The following NRXN1 variants were observed in gnomAD, a reference collection of about 807,000 sequenced individuals.
The protein encoded by NRXN1 is neurexin-1.
A neutral mutation model predicts 150.9 loss-of-function variants in NRXN1; 39 were observed. The ratio of observed to expected loss-of-function variants is 0.26; its 90% CI spans 0.20 to 0.34. NRXN1 has a LOEUF of 0.34. Among genes scored for constraint, NRXN1 ranks in the 10% least tolerant of loss-of-function variants. The pLI is 1.00. For missense variants in NRXN1, 1,815 were observed against 1,949.9 expected, an observed-to-expected ratio of 0.93 and a Z score of 1.30; for synonymous variants, 924 against 757.0, an observed-to-expected ratio of 1.22 and a Z score of -3.62.
intron 5 of NRXN1, among the ~76,000 whole-genome samples, chr2:50,711,329 CTTTTTTTT>C (rs765521627): frequency 3.3e-5 from 3 of 89,876 alleles, no homozygotes; most frequent in Non-Finnish European, 6.6e-5. Flanking sequence ...AGGTACTGGA[CTTTTTTTT>C]TTTTTTTTTT....
chr2:50,405,976 C>T (rs903580136), intron 17 of NRXN1, among the ~76,000 whole-genome samples: 10 of 152,096 alleles, frequency 6.6e-5, no homozygotes, highest in African/African-American at 1.9e-4. Flanking sequence ...TGAGGAAATT[C>T]AGCCACAGAT....
intron 5 of NRXN1, among the ~76,000 whole-genome samples, chr2:50,678,499 C>G (rs2104778558): frequency 6.6e-6 from 1 of 152,240 alleles, no homozygotes; most frequent in African/African-American, 2.4e-5. Flanking sequence ...CATGTTTCAA[C>G]TAGAATCAAC....
intron 5 of NRXN1, among the ~76,000 whole-genome samples, chr2:50,686,130 C>G (rs1379304218): frequency 6.6e-6 from 1 of 151,982 alleles, no homozygotes; most frequent in Non-Finnish European, 1.5e-5. Flanking sequence ...AAGTAGCCTT[C>G]TAGCAAAAAA....
At chr2:50,219,142 C>T (rs2063613178) in intron 18 of NRXN1, among the ~76,000 whole-genome samples, 1 of 151,916 alleles carries the variant, frequency 6.6e-6, no homozygotes, top group Non-Finnish European at 1.5e-5. Context: ...GGCTTTGATC[C>T]ATTTCTCAAT....
At chr2:50,727,556 A>G (rs1697540405) in intron 5 of NRXN1, among the ~76,000 whole-genome samples, 1 of 152,178 alleles carries the variant, frequency 6.6e-6, no homozygotes, top group South Asian at 2.1e-4. Flanking sequence ...CCAAAAGATC[A>G]ATCACTCTTT....
Position 50,506,550 on chromosome 2 carries a change from T to A in NRXN1, c.2442A>T (p.Val814=), listed in dbSNP as rs2092233662. 4 of 1,613,384 alleles carry A rather than the reference T, an allele frequency of 2.5e-6. No individual in the cohort carries two copies. In the East Asian group the frequency reaches 8.9e-5, roughly 36 times the overall value. ...LNDNEWHTVR[V]VRRGKSLKLT... ...ACTTTAAACTTTTTCCACGCCGAAC[T>A]ACACGCACTGTGTGCCACTCGTTAT... The change falls in exon 13 of 23, where the codon GTA becomes GTT. Residue 814 remains valine, a synonymous_variant. Coordinates refer to ENST00000401669, the MANE Select transcript of NRXN1 (RefSeq NM_001330078.2).
intron 2 of NRXN1, among the ~76,000 whole-genome samples, chr2:50,948,306 T>A (rs1229924828): frequency 6.6e-6 from 1 of 152,054 alleles, no homozygotes. Flanking sequence ...GCAATTTAGA[T>A]AGATCCAAAA....
chr2:50,766,096 G>T (rs1463146093), intron 5 of NRXN1, among the ~76,000 whole-genome samples: 5 of 151,964 alleles, frequency 3.3e-5, no homozygotes, highest in African/African-American at 1.2e-4. Context: ...TTTAAAAGAA[G>T]ATTCTTAAGA....
intron 22 of NRXN1, among the ~76,000 whole-genome samples, chr2:49,922,842 T>C (rs1668461651): frequency 6.6e-6 from 1 of 152,216 alleles, no homozygotes; most frequent in Non-Finnish European, 1.5e-5. Flanking sequence ...TTCCATTTTG[T>C]TGGAGATTCA....
At chr2:50,271,888 T>C (rs1435654038) in intron 17 of NRXN1, among the ~76,000 whole-genome samples, 1 of 152,062 alleles carries the variant, frequency 6.6e-6, no homozygotes, top group Non-Finnish European at 1.5e-5. Flanking sequence ...TATGAAGAAG[T>C]ATTTCCTATG....
chr2:51,013,864 T>C (rs2105216512), intron 2 of NRXN1, among the ~76,000 whole-genome samples: 1 of 152,198 alleles, frequency 6.6e-6, no homozygotes, highest in African/African-American at 2.4e-5. Context: ...CACTGCCAGT[T>C]TTCCTTAGTC....
chr2:50,101,843 A>G (rs1701021515), intron 18 of NRXN1, among the ~76,000 whole-genome samples: 1 of 151,966 alleles, frequency 6.6e-6, no homozygotes, highest in African/African-American at 2.4e-5. Flanking sequence ...TGTTTGATGG[A>G]CTGACTTCCT....
intron 21 of NRXN1, among the ~76,000 whole-genome samples, chr2:49,990,254 C>G (rs1253561605): frequency 6.6e-6 from 1 of 152,072 alleles, no homozygotes; most frequent in Non-Finnish European, 1.5e-5. Flanking sequence ...CAGTGAATAA[C>G]TACTGCCAAG....
At chr2:50,141,289 A>G (rs1707238089) in intron 18 of NRXN1, among the ~76,000 whole-genome samples, 1 of 152,060 alleles carries the variant, frequency 6.6e-6, no homozygotes, top group African/African-American at 2.4e-5. Flanking sequence ...CCTATCTCTC[A>G]TCATATACAA....
intron 5 of NRXN1, among the ~76,000 whole-genome samples, chr2:50,763,310 A>G (rs1303736843): frequency 6.6e-6 from 1 of 151,926 alleles, no homozygotes; most frequent in East Asian, 1.9e-4. Context: ...GGTCAGGTCT[A>G]CCTGCTATTT....
At chr2:50,662,377 A>C (rs1687420811) in intron 5 of NRXN1, among the ~76,000 whole-genome samples, 1 of 152,026 alleles carries the variant, frequency 6.6e-6, no homozygotes, top group Non-Finnish European at 1.5e-5. Context: ...ATTCTAGCCA[A>C]GTATGAATGG....
At chr2:50,956,140 T>C (rs906114741) in intron 2 of NRXN1, among the ~76,000 whole-genome samples, 4 of 152,036 alleles carry the variant, frequency 2.6e-5, no homozygotes, top group African/African-American at 4.8e-5. Context: ...TTACCAGAGG[T>C]ACACAACAGT....
intron 5 of NRXN1, among the ~76,000 whole-genome samples, chr2:50,706,054 C>T (rs530541485): frequency 6.6e-5 from 10 of 152,238 alleles, no homozygotes; most frequent in African/African-American, 1.9e-4. Context: ...CATGGATCCC[C>T]GTCAAGCTTC....
intron 21 of NRXN1, among the ~76,000 whole-genome samples, chr2:50,046,030 A>T (rs915725448): frequency 2.0e-5 from 3 of 152,190 alleles, no homozygotes; most frequent in Admixed American, 6.5e-5. Flanking sequence ...CAGAAATCAT[A>T]TTTGCAAGAT....
Sources: gnomAD v4.1 joint callset for allele counts (sites outside exome capture counted in the v4.1 genomes callset) on GRCh38, gnomAD v4.1.1 for gene constraint, MANE v1.5 for transcripts, NCBI Gene and HGNC (gene_info 2026-07-23, HGNC 2026-07-21) for gene names.